Variants in NRG3 observed in about 807,000 individuals in gnomAD.
The protein encoded by NRG3 is neuregulin 3.
In NRG3, 31 loss-of-function variants were observed where a neutral mutation model predicts 66.9. The ratio of observed to expected loss-of-function variants is 0.46; its 90% CI spans 0.35 to 0.63. The LOEUF is 0.63. NRG3 is among the 20% of genes least tolerant of loss of function. The probability of loss-of-function intolerance (pLI) is 0.00; values close to 1 mark genes in which losing one functional copy is unlikely to be tolerated. For synonymous variants in NRG3, 393 were observed against 359.4 expected, an observed-to-expected ratio of 1.09 and a Z score of -1.06; for missense variants, 910 against 878.9, an observed-to-expected ratio of 1.04 and a Z score of -0.45.
intron 2 of NRG3, among the ~76,000 whole-genome samples, chr10:82,610,581 C>CT (rs1403062755): frequency 6.6e-6 from 1 of 152,126 alleles, no homozygotes; most frequent in Non-Finnish European, 1.5e-5. Context: ...ATGCTCTTGG[C>CT]TAAGAGTGAA....
chr10:82,707,026 T>C (rs537473231), intron 2 of NRG3, among the ~76,000 whole-genome samples: 3 of 147,056 alleles, frequency 2.0e-5, no homozygotes, highest in African/African-American at 7.4e-5. Flanking sequence ...TAAATATATA[T>C]ATATATATAT....
intron 3 of NRG3, among the ~76,000 whole-genome samples, chr10:82,860,208 A>G (rs1393925635): frequency 6.6e-6 from 1 of 152,228 alleles, no homozygotes; most frequent in Non-Finnish European, 1.5e-5. Context: ...TCGGAGACAG[A>G]TAACAGTTGT....
intron 2 of NRG3, among the ~76,000 whole-genome samples, chr10:82,702,884 C>G (rs1333011083): frequency 6.6e-6 from 1 of 152,002 alleles, no homozygotes; most frequent in Non-Finnish European, 1.5e-5. Flanking sequence ...TAGTCAAATT[C>G]TTAAATTATG....
chr10:82,124,369 A>G (rs2068290167), intron 1 of NRG3, among the ~76,000 whole-genome samples: 1 of 152,084 alleles, frequency 6.6e-6, no homozygotes, highest in Admixed American at 6.6e-5. Context: ...GTGAAAATCC[A>G]CACCTAACCC....
intron 2 of NRG3, among the ~76,000 whole-genome samples, chr10:82,719,205 G>A (rs574110171): frequency 3.9e-5 from 6 of 152,282 alleles, no homozygotes; most frequent in Admixed American, 3.9e-4. Context: ...TGGTGGAGGT[G>A]TGTGTATTGG....
chr10:82,946,955 G>A (rs1292581484), intron 4 of NRG3, among the ~76,000 whole-genome samples: 1 of 151,948 alleles, frequency 6.6e-6, no homozygotes, highest in Non-Finnish European at 1.5e-5. Flanking sequence ...TATTTTTGCA[G>A]CTATAGTTGA....
chr10:82,595,134 A>T (rs1167458299), intron 2 of NRG3, among the ~76,000 whole-genome samples: 1 of 151,964 alleles, frequency 6.6e-6, no homozygotes, highest in South Asian at 2.1e-4. Flanking sequence ...TTTATTTCTC[A>T]TGATTCCAAA....
At chr10:82,730,129 A>C (rs1254993011) in intron 2 of NRG3, among the ~76,000 whole-genome samples, 1 of 132,190 alleles carries the variant, frequency 7.6e-6, no homozygotes, top group African/African-American at 2.9e-5. Flanking sequence ...TCTGTCACCC[A>C]GGCTGGAGCG....
chr10:82,839,510 G>A (rs1304166810), intron 3 of NRG3, among the ~76,000 whole-genome samples: 2 of 151,312 alleles, frequency 1.3e-5, no homozygotes, highest in African/African-American at 4.8e-5. Flanking sequence ...CCATCACCAA[G>A]GGATAAGTAA....
At chr10:82,753,517 CCT>C (rs2134970394) in intron 3 of NRG3, among the ~76,000 whole-genome samples, 1 of 152,002 alleles carries the variant, frequency 6.6e-6, no homozygotes, top group South Asian at 2.1e-4. Flanking sequence ...TCCATGCATT[CCT>C]CTTTTCTCCC....
intron 1 of NRG3, among the ~76,000 whole-genome samples, chr10:81,993,647 A>G (rs1202564998): frequency 1.3e-5 from 2 of 152,168 alleles, no homozygotes; most frequent in African/African-American, 4.8e-5. Context: ...CACCCAGTCA[A>G]GATTGTGATC....
intron 1 of NRG3, among the ~76,000 whole-genome samples, chr10:81,948,260 GC>G (rs1849027868): frequency 6.6e-6 from 1 of 152,076 alleles, no homozygotes; most frequent in Admixed American, 6.6e-5. Flanking sequence ...TTCCTATACA[GC>G]CCCTTCCCCT....
chr10:82,081,174 C>T (rs147826501), intron 1 of NRG3, among the ~76,000 whole-genome samples: 3 of 152,228 alleles, frequency 2.0e-5, no homozygotes, highest in East Asian at 1.9e-4. Context: ...TGACATCCCA[C>T]GGTTTAAACC....
chr10:82,149,067 T>A (rs985051154), intron 1 of NRG3, among the ~76,000 whole-genome samples: 6 of 41,784 alleles, frequency 1.4e-4, no homozygotes, highest in Admixed American at 6.7e-4. Flanking sequence ...TTTTTGTTTT[T>A]GTTTTTGTTT....
intron 1 of NRG3, among the ~76,000 whole-genome samples, chr10:81,983,543 T>C (rs1487536420): frequency 6.6e-6 from 1 of 152,230 alleles, no homozygotes; most frequent in Non-Finnish European, 1.5e-5. Context: ...TGAATGTTGA[T>C]ATATTGGTTC....
At chr10:81,889,174 C>A (rs1009319945) in intron 1 of NRG3, 4 of 152,242 alleles carry the variant, frequency 2.6e-5, no homozygotes, top group African/African-American at 9.6e-5. Context: ...CTAAATTAAC[C>A]TCTTACTGTC....
chr10:82,381,223 T>C (rs2085594976), intron 2 of NRG3, among the ~76,000 whole-genome samples: 1 of 152,190 alleles, frequency 6.6e-6, no homozygotes, highest in African/African-American at 2.4e-5. Flanking sequence ...TGTTTCATTT[T>C]CTGACACAGC....
At chr10:82,741,769 C>A (rs977100326) in intron 3 of NRG3, among the ~76,000 whole-genome samples, 6 of 152,102 alleles carry the variant, frequency 3.9e-5, no homozygotes, top group African/African-American at 1.2e-4. Context: ...CTGAAGGGCG[C>A]TTTCCTCCCT....
chr10:82,261,243 A>G (rs2078012484), intron 1 of NRG3, among the ~76,000 whole-genome samples: 1 of 152,024 alleles, frequency 6.6e-6, no homozygotes, highest in African/African-American at 2.4e-5. Context: ...ATGAGATCTG[A>G]TGGTTTTATA....
Sources: allele counts gnomAD v4.1 joint callset (sites outside exome capture counted in the v4.1 genomes callset), GRCh38; gene constraint gnomAD v4.1.1; transcripts MANE v1.5; gene names NCBI Gene and HGNC (gene_info 2026-07-23, HGNC 2026-07-21).